Variants in PBRM1 observed in about 807,000 individuals in gnomAD.
PBRM1 encodes the protein polybromo 1.
Under a neutral mutation model 194.5 loss-of-function variants are expected in PBRM1, and 27 were observed. The ratio of observed to expected loss-of-function variants is 0.14; its 90% confidence interval spans 0.10 to 0.19. The LOEUF is 0.19. Ranked by LOEUF, PBRM1 falls within the 10% of genes least tolerant of loss-of-function variation. PBRM1 has a pLI of 1.00. For missense variants in PBRM1, 1,466 were observed against 2,077.2 expected (o/e 0.71, Z 5.72); for synonymous variants, 655 against 693.2 (o/e 0.94, Z 0.87).
intron 21 of PBRM1, among the ~76,000 whole-genome samples, chr3:52,577,592 G>A (rs891716089): frequency 4.6e-5 from 7 of 151,906 alleles, no homozygotes; most frequent in Non-Finnish European, 8.8e-5. Flanking sequence ...TCAGTTAATG[G>A]TAACTGCAAC....
chr3:52,583,914 G>A (rs1376821063), intron 20 of PBRM1, among the ~76,000 whole-genome samples: 1 of 152,056 alleles, frequency 6.6e-6, no homozygotes, highest in Non-Finnish European at 1.5e-5. Flanking sequence ...CAAAATGCTG[G>A]GATTACAGGC....
upstream of PBRM1, among the ~76,000 whole-genome samples, chr3:52,680,123 C>T (rs555480175): frequency 5.9e-5 from 9 of 152,158 alleles, no homozygotes; most frequent in East Asian, 1.7e-3. Flanking sequence ...CCCAAGGTAT[C>T]CACCTCTGGA....
At chr3:52,642,030 T>G in exon 10 of PBRM1, 1 of 1,568,306 alleles carries the variant, frequency 6.4e-7, no homozygotes, top group South Asian at 1.1e-5. Context: ...GACCTCCTTG[T>G]ACTGCTCTTT....
intron 19 of PBRM1, 147 bp downstream of exon 21, chr3:52,587,206 C>G (rs2092514704): frequency 4.9e-6 from 3 of 617,118 alleles, no homozygotes; most frequent in Non-Finnish European, 5.5e-6. Flanking sequence ...AATTTCTTCC[C>G]AAATCTTTTC....
intron 5 of PBRM1, among the ~76,000 whole-genome samples, chr3:52,652,308 T>C (rs1206902133): frequency 6.8e-6 from 1 of 147,460 alleles, no homozygotes; most frequent in Admixed American, 6.8e-5. Flanking sequence ...CGCTTGAACC[T>C]GGGAGGCAGA....
intron 13 of PBRM1, among the ~76,000 whole-genome samples, chr3:52,625,610 T>C (rs1375523025): frequency 2.0e-5 from 3 of 151,772 alleles, no homozygotes; most frequent in East Asian, 3.8e-4. Context: ...GTTTTGCTCT[T>C]GTCACCCAGG....
At chr3:52,669,144 T>C (rs1434051231) in intron 2 of PBRM1, among the ~76,000 whole-genome samples, 2 of 152,130 alleles carry the variant, frequency 1.3e-5, no homozygotes, top group South Asian at 2.1e-4. Context: ...TAGCAATTAC[T>C]AAAATTACAA....
At chr3:52,658,093 C>T (rs2096644028) in intron 5 of PBRM1, 106 bp downstream of exon 6, 3 of 660,746 alleles carry the variant, frequency 4.5e-6, no homozygotes, top group Admixed American at 4.1e-5. Flanking sequence ...ACACCCGGCC[C>T]AACATCTTCC....
chr3:52,600,351 G>A (rs192534526), intron 17 of PBRM1, among the ~76,000 whole-genome samples: 1 of 152,130 alleles, frequency 6.6e-6, no homozygotes, highest in African/African-American at 2.4e-5. Flanking sequence ...ATGTTACCAA[G>A]CTTTGCTCAT....
At position 52,588,982 on chromosome 3, in the gene PBRM1, C is replaced by G. The variant is rs1257490928; in HGVS notation, c.2965+88G>C. ...ATTATTATGGAAAGGCTTAAGATGT[C>G]TGAGTTAAAATTTTCTTCCCTGAGG... On this transcript the variant is annotated intron_variant, in intron 18 of 29. Transcript: ENST00000296302. The G allele has an allele frequency of 3.5e-6, 3 of 860,926 alleles. No individual in the cohort carries two copies. In the Admixed American group the frequency reaches 6.2e-5, roughly 18 times the overall value. The allele number at this position is 860,926 out of a possible 1,614,324, so 53.3% of individuals were successfully genotyped here. A position where few individuals can be genotyped will look rare whatever the true frequency, so the allele number is the denominator to read the frequency against.
intron 12 of PBRM1, 115 bp from the exon 14 acceptor site, chr3:52,627,485 G>A: frequency 6.4e-6 from 4 of 626,010 alleles, no homozygotes; most frequent in Non-Finnish European, 1.1e-5. Context: ...ATCACATGCA[G>A]GATGTACAAA....
chr3:52,615,744 C>A (rs1325043373), intron 14 of PBRM1, among the ~76,000 whole-genome samples: 1 of 152,178 alleles, frequency 6.6e-6, no homozygotes, highest in Non-Finnish European at 1.5e-5. Context: ...AGTCCTGAAA[C>A]ACATTTACAT....
intron 25 of PBRM1, among the ~76,000 whole-genome samples, chr3:52,559,650 T>A (rs1289382932): frequency 6.6e-6 from 1 of 152,086 alleles, no homozygotes. Flanking sequence ...TCATATGGCT[T>A]TACAGAGAAT....
intron 5 of PBRM1, among the ~76,000 whole-genome samples, chr3:52,654,866 C>G (rs1324908457): frequency 6.6e-6 from 1 of 151,960 alleles, no homozygotes; most frequent in African/African-American, 2.4e-5. Context: ...CAGCTCACTG[C>G]GGCCTTGAAC....
chr3:52,578,854 T>C (rs1234496999), intron 21 of PBRM1, among the ~76,000 whole-genome samples, 200 bp downstream of exon 23: 2 of 152,226 alleles, frequency 1.3e-5, no homozygotes, highest in Non-Finnish European at 2.9e-5. Flanking sequence ...CTGAAAGTTC[T>C]GTAAATAGTG....
downstream of PBRM1, chr3:52,545,627 A>C (rs184063003): frequency 5.7e-4 from 133 of 233,134 alleles, no homozygotes; most frequent in African/African-American, 2.0e-3. Context: ...AAAAAACAAC[A>C]ACCAAAACAG....
At chr3:52,636,146 C>T (rs1358413830) in intron 10 of PBRM1, among the ~76,000 whole-genome samples, 2 of 152,024 alleles carry the variant, frequency 1.3e-5, no homozygotes, top group Non-Finnish European at 2.9e-5. Flanking sequence ...GCTGGGATTA[C>T]AGGCGTGAGC....
intron 17 of PBRM1, among the ~76,000 whole-genome samples, chr3:52,593,088 T>C (rs1002751935): frequency 6.6e-6 from 1 of 152,124 alleles, no homozygotes; most frequent in African/African-American, 2.4e-5. Context: ...ACCAACTTTT[T>C]CAAAAAACCA....
intron 22 of PBRM1, among the ~76,000 whole-genome samples, chr3:52,569,699 A>C (rs956240572): frequency 7.9e-5 from 12 of 152,236 alleles, no homozygotes; most frequent in Non-Finnish European, 1.5e-4. Context: ...TAGCATTTTA[A>C]AACTTTTTTC....
Sources: gnomAD v4.1 joint callset for allele counts (sites outside exome capture counted in the v4.1 genomes callset) on GRCh38, gnomAD v4.1.1 for gene constraint, MANE v1.5 for transcripts, NCBI Gene and HGNC (gene_info 2026-07-23, HGNC 2026-07-21) for gene names.